Variants in KIAA0319L observed in about 807,000 individuals in gnomAD.
KIAA0319L encodes the protein KIAA0319 like, also known as dyslexia-associated protein KIAA0319-like protein.
Under a neutral mutation model 120.1 loss-of-function variants are expected in KIAA0319L, and 55 were observed. That is an observed-to-expected ratio of 0.46 (90% CI 0.37 to 0.57). The LOEUF is 0.57. KIAA0319L is among the 20% of genes least tolerant of loss of function. The pLI, the probability that KIAA0319L is intolerant of heterozygous loss-of-function variation, is 0.00. For synonymous variants in KIAA0319L, 398 were observed against 471.9 expected, an observed-to-expected ratio of 0.84 and a Z score of 2.03; for missense variants, 1,049 against 1,255.3, an observed-to-expected ratio of 0.84 and a Z score of 2.48.
chr1:35,522,877 G>A (rs1322138260), intron 2 of KIAA0319L, among the ~76,000 whole-genome samples: 2 of 151,622 alleles, frequency 1.3e-5, no homozygotes, highest in Non-Finnish European at 2.9e-5. Context: ...AAATTAGCCG[G>A]GCGTGGTGGC....
intron 14 of KIAA0319L, 36 bp downstream of exon 14, chr1:35,450,322 A>T: frequency 5.7e-6 from 9 of 1,589,342 alleles, no homozygotes; most frequent in Non-Finnish European, 7.7e-6. Context: ...CCTCCTCCCC[A>T]CTCCTGTGTA....
chr1:35,443,673 AAAATAAATAAAT>A (rs750954696), intron 17 of KIAA0319L, among the ~76,000 whole-genome samples: 34 of 151,126 alleles, frequency 2.2e-4, no homozygotes, highest in African/African-American at 7.1e-4. Context: ...ACTCTATCTC[AAAATAAATAAAT>A]AAATAAATAA....
At position 35,506,600 on chromosome 1, in the gene KIAA0319L, T is replaced by G. The variant is rs772412603; in HGVS notation, c.666+12A>C. ...TAACCATTTCTCTGCTCCTTATTCA[T>G]AGCATGCTTACCTCTGCAGAGCCAC... On this transcript the variant is annotated intron_variant, in intron 3 of 20. Coordinates refer to ENST00000325722, the MANE Select transcript of KIAA0319L (RefSeq NM_024874.5). The surrounding 1 kb of genome is among the most constrained non-coding windows in gnomAD (Gnocchi z 4.0). 6.2e-7 allele frequency: 1 copy of G among 1,600,984 alleles called. No homozygotes were observed. The highest frequency in any genetic ancestry group is 8.5e-7 in the Non-Finnish European group (1 of 1,173,170).
chr1:35,505,757 CA>C (rs1221959791), intron 3 of KIAA0319L, among the ~76,000 whole-genome samples: 2 of 152,192 alleles, frequency 1.3e-5, no homozygotes, highest in East Asian at 3.8e-4. Context: ...TGATCACTGG[CA>C]AACTGTTTAA....
Position 35,480,500 on chromosome 1 carries a change from G to A in KIAA0319L, c.667-1288C>T, listed in dbSNP as rs1031292974. On this transcript the variant is annotated intron_variant, in intron 3 of 20. Transcript: ENST00000325722. The stretch of plus-strand genomic sequence containing the variant: ...TATGGATTTTTTAAAAATCAAATTC[G>A]GCCGGGTGTGGTGTCTCACACCTGT... Among the ~76,000 whole-genome samples the A allele has an allele frequency of 3.3e-5, 5 of 152,028 alleles. No homozygotes were observed. In the East Asian group the frequency reaches 5.8e-4, roughly 18 times the overall value.
chr1:35,440,923 A>C (rs527714013), intron 20 of KIAA0319L, 124 bp downstream of exon 20: 1 of 828,156 alleles, frequency 1.2e-6, no homozygotes, highest in East Asian at 2.4e-5. Flanking sequence ...CATCAGGCAA[A>C]AGGGAACAAA....
chr1:35,443,074 G>T, intron 17 of KIAA0319L, 46 bp from the exon 18 acceptor site: 1 of 1,612,874 alleles, frequency 6.2e-7, no homozygotes, highest in Non-Finnish European at 8.5e-7. Flanking sequence ...ACTCAGCCAG[G>T]GGTGACAAGC....
chr1:35,446,873 G>A (rs1370538286), intron 16 of KIAA0319L, among the ~76,000 whole-genome samples: 1 of 152,066 alleles, frequency 6.6e-6, no homozygotes, highest in African/African-American at 2.4e-5. Context: ...CCTTCCACAA[G>A]TTCCAGCCTT....
At chr1:35,542,412 G>A (rs2148495560) in intron 2 of KIAA0319L, among the ~76,000 whole-genome samples, 1 of 152,312 alleles carries the variant, frequency 6.6e-6, no homozygotes, top group Middle Eastern at 3.4e-3. Context: ...CTCTTGCTCA[G>A]CTGATGAAAA....
At chr1:35,444,118 G>A (rs759043835) in intron 17 of KIAA0319L, 43 bp downstream of exon 17, 3 of 1,525,224 alleles carry the variant, frequency 2.0e-6, no homozygotes, top group Non-Finnish European at 2.7e-6. Context: ...TGAGCTGCAG[G>A]CACTAGGTAG....
intron 16 of KIAA0319L, among the ~76,000 whole-genome samples, chr1:35,444,627 C>T (rs1641483115): frequency 6.6e-6 from 1 of 152,134 alleles, no homozygotes; most frequent in Non-Finnish European, 1.5e-5. Flanking sequence ...ACAAAAGAAC[C>T]CATTCCTCCA....
At chr1:35,479,768 G>T (rs1644068113) in intron 3 of KIAA0319L, among the ~76,000 whole-genome samples, 1 of 151,854 alleles carries the variant, frequency 6.6e-6, no homozygotes, top group East Asian at 1.9e-4. Flanking sequence ...GCTGGGCATG[G>T]TGGCCATGCC....
At chr1:35,532,613 A>C (rs571661078) in intron 2 of KIAA0319L, among the ~76,000 whole-genome samples, 1 of 152,320 alleles carries the variant, frequency 6.6e-6, no homozygotes, top group South Asian at 2.1e-4. Flanking sequence ...TCAATATTGG[A>C]TTCTAGAAGT....
chr1:35,506,788 T>C lies in KIAA0319L; in HGVS notation c.490A>G (p.Ser164Gly), dbSNP rs1261982562. 6.2e-7 allele frequency: 1 copy of C among 1,614,082 alleles called. No homozygotes were observed. The highest frequency in any genetic ancestry group is 1.7e-5 in the Admixed American group (1 of 60,002). Residue 164 changes from serine to glycine, a missense_variant, in exon 3 of 21, where the codon AGC becomes GGC. Physicochemically the swap from Ser to Gly is moderately conservative, Grantham distance 56. Transcript: ENST00000325722. This position sits in a 1 kb window ranked among gnomAD's most constrained non-coding sequence, Gnocchi z 4.0. ...GGTCTGAGTGCAGCTCTGGGTGGGC[T>C]CTGCCTCCAAGATGCCCAGTTCCAA... ...LGWNWASWRQ[S>G]PPRAALRPAV...
intron 2 of KIAA0319L, among the ~76,000 whole-genome samples, chr1:35,530,692 G>A (rs767466688): frequency 6.6e-6 from 1 of 152,200 alleles, no homozygotes; most frequent in Non-Finnish European, 1.5e-5. Context: ...TATATCAAGT[G>A]TAACAGTCAC....
chr1:35,462,394 G>A (rs1285048552), intron 8 of KIAA0319L, among the ~76,000 whole-genome samples: 1 of 152,162 alleles, frequency 6.6e-6, no homozygotes, highest in Admixed American at 6.5e-5. Context: ...CCATCTCAAA[G>A]TGGAAATATT....
intron 3 of KIAA0319L, among the ~76,000 whole-genome samples, chr1:35,502,965 AAAG>A (rs1332300598): frequency 6.6e-6 from 1 of 152,164 alleles, no homozygotes. Flanking sequence ...CACACAACTT[AAAG>A]ATCAGTACCA....
chr1:35,499,138 A>G (rs1312826977), intron 3 of KIAA0319L, among the ~76,000 whole-genome samples: 1 of 152,222 alleles, frequency 6.6e-6, no homozygotes, highest in East Asian at 1.9e-4. Flanking sequence ...GGTGTTAACA[A>G]GAGATGGTCA....
At chr1:35,538,708 T>C (rs1646678658) in intron 2 of KIAA0319L, among the ~76,000 whole-genome samples, 1 of 151,868 alleles carries the variant, frequency 6.6e-6, no homozygotes, top group Non-Finnish European at 1.5e-5. Flanking sequence ...GTAATCTAAG[T>C]CAACACCATA....
Sources: allele counts gnomAD v4.1 joint callset (sites outside exome capture counted in the v4.1 genomes callset), GRCh38; gene constraint gnomAD v4.1.1; non-coding constraint Gnocchi (gnomAD v3.1); transcripts MANE v1.5; gene names NCBI Gene and HGNC (gene_info 2026-07-23, HGNC 2026-07-21).